Variants in MTMR10 observed in about 807,000 individuals in gnomAD.
MTMR10 encodes myotubularin-related protein 10.
A neutral mutation model predicts 88.1 loss-of-function variants in MTMR10; 56 were observed. That is an observed-to-expected ratio of 0.64 (90% CI 0.51 to 0.79). The LOEUF (loss-of-function observed/expected upper bound fraction) is 0.79. Ranked by LOEUF, MTMR10 falls within the 30% of genes least tolerant of loss-of-function variation. The probability of loss-of-function intolerance (pLI) is 0.00; values close to 1 mark genes in which losing one functional copy is unlikely to be tolerated. For synonymous variants in MTMR10, 380 were observed against 340.9 expected (o/e 1.11, Z -1.26); for missense variants, 883 against 924.7 (o/e 0.95, Z 0.58).
At chr15:30,920,158 C>T in the MTMR10 span, among the ~76,000 whole-genome samples, 4 of 152,192 alleles carry the variant, frequency 2.6e-5, no homozygotes, top group Non-Finnish European at 5.9e-5. Flanking sequence ...CATTTGTGGA[C>T]ATTGAAATTT....
rs963103170 is a variant in MTMR10 at position 30,959,091 on chromosome 15, A to G, written c.789T>C (p.Ser263=). ...CLPEYIVVPS[S]LADQDLKIFS... ...AGATCTTTAGATCTTGGTCTGCTAA[A>G]GAACTTGGCACTACAATGTATTCTG... The change falls in exon 8 of 16, where the codon TCT becomes TCC. Residue 263 remains serine, a synonymous_variant. Coordinates refer to ENST00000435680, the MANE Select transcript of MTMR10 (RefSeq NM_017762.3). 1.2e-6 allele frequency: 2 copies of G among 1,607,412 alleles called. No homozygotes were observed. The highest frequency in any genetic ancestry group is 2.7e-5 in the African/African-American group (2 of 74,770).
chr15:30,981,191 G>T (rs2030546220), intron 2 of MTMR10, among the ~76,000 whole-genome samples: 1 of 152,218 alleles, frequency 6.6e-6, no homozygotes, highest in African/African-American at 2.4e-5. Context: ...AATTACTGTG[G>T]TAGTTTTAAG....
Position 30,939,570 on chromosome 15 carries a change from T to G in MTMR10, c.*1900A>C. ...TTTACATTTGATTATCATACAAAAA[T>G]ATGCATTTTTCTATTTTTAACCATT... On this transcript the variant is annotated 3_prime_UTR_variant, in exon 16 of 16. Transcript: ENST00000435680. The G allele has an allele frequency of 1.0e-6, 1 of 961,538 alleles. No homozygotes were observed. The highest frequency in any genetic ancestry group is 1.2e-6 in the Non-Finnish European group (1 of 808,230). 59.6% of individuals were successfully genotyped at this position (961,538 alleles called of 1,614,324 possible).
chr15:30,947,089 A>G (rs2063181523), intron 14 of MTMR10, 41 bp downstream of exon 14: 1 of 1,546,382 alleles, frequency 6.5e-7, no homozygotes, highest in South Asian at 1.2e-5. Context: ...ATAAAGTTGT[A>G]AAAACAGGGA....
At chr15:30,935,974 G>C (rs1379105523), downstream of MTMR10, among the ~76,000 whole-genome samples, 1 of 151,666 alleles carries the variant, frequency 6.6e-6, no homozygotes, top group African/African-American at 2.4e-5. Flanking sequence ...TGGGTTTACT[G>C]TTTTCATCAA....
chr15:30,936,402 CAAG>C (rs71106653), downstream of MTMR10, among the ~76,000 whole-genome samples: 24,911 of 151,920 alleles, frequency 0.16, 2,855 homozygotes, highest in African/African-American at 0.33. Flanking sequence ...CTGGTCATGG[CAAG>C]AAGGTTAGAT....
At chr15:30,929,316 G>T in the MTMR10 span, 2 of 1,612,484 alleles carry the variant, frequency 1.2e-6, no homozygotes, top group Non-Finnish European at 1.7e-6. Context: ...GGGCCTGGGT[G>T]GCAGCCACGT....
rs2062997979 is a variant in MTMR10 at position 30,940,311 on chromosome 15, CTG to C, written c.*1157_*1158del. On this transcript the variant is annotated 3_prime_UTR_variant, in exon 16 of 16. Coordinates refer to ENST00000435680, the MANE Select transcript of MTMR10 (RefSeq NM_017762.3). ...AGAGAGATTCAGATCAAGCAAACAA[CTG>C]TGTCTGCTCATTCTCCTCAACTTTG... The C allele has an allele frequency of 6.1e-6, 6 of 985,378 alleles. No homozygotes were observed. The highest frequency in any genetic ancestry group is 7.2e-6 in the Non-Finnish European group (6 of 829,892). The allele number at this position is 985,378 out of a possible 1,614,324, so 61.0% of individuals were successfully genotyped here.
chr15:30,952,780 C>T (rs2063267975), intron 11 of MTMR10, among the ~76,000 whole-genome samples: 2 of 152,030 alleles, frequency 1.3e-5, no homozygotes, highest in Admixed American at 6.6e-5. Flanking sequence ...CTACCACAAC[C>T]GGCCCCACTT....
intron 14 of MTMR10, chr15:30,946,915 A>T: frequency 1.6e-6 from 1 of 630,570 alleles, no homozygotes; most frequent in Non-Finnish European, 2.7e-6. Flanking sequence ...ACTACAAAAC[A>T]TTTACATTAG....
chr15:30,931,897 T>C, the MTMR10 span, among the ~76,000 whole-genome samples: 1 of 150,572 alleles, frequency 6.6e-6, no homozygotes, highest in Non-Finnish European at 1.5e-5. Flanking sequence ...ATTTGAATTA[T>C]AACATCAAAT....
downstream of MTMR10, among the ~76,000 whole-genome samples, chr15:30,938,230 G>T (rs901576508): frequency 4.6e-5 from 7 of 152,100 alleles, no homozygotes; most frequent in African/African-American, 9.6e-5. Context: ...TTTCCTTCAA[G>T]TAATTAATTA....
At chr15:30,920,660 G>T in the MTMR10 span, 1 of 1,532,592 alleles carries the variant, frequency 6.5e-7, no homozygotes, top group Non-Finnish European at 9.0e-7. Context: ...TGAGGTTAGA[G>T]CACAGGTCCC....
chr15:30,922,912 G>A, the MTMR10 span, among the ~76,000 whole-genome samples: 1 of 152,378 alleles, frequency 6.6e-6, no homozygotes, highest in African/African-American at 2.4e-5. Context: ...GCACTTGGAA[G>A]CACAGGGATT....
intron 6 of MTMR10, among the ~76,000 whole-genome samples, chr15:30,961,804 T>G (rs1206823369): frequency 6.6e-6 from 1 of 152,246 alleles, no homozygotes; most frequent in Non-Finnish European, 1.5e-5. Flanking sequence ...TTATTTTCTC[T>G]TTAATTTTCA....
At chr15:30,920,033 C>A in the MTMR10 span, among the ~76,000 whole-genome samples, 20 of 152,310 alleles carry the variant, frequency 1.3e-4, no homozygotes, top group African/African-American at 4.3e-4. Flanking sequence ...ATATTTTAGG[C>A]TTTGCAGGCC....
the MTMR10 span, among the ~76,000 whole-genome samples, chr15:30,932,550 G>A: frequency 1.3e-5 from 2 of 151,958 alleles, no homozygotes; most frequent in African/African-American, 4.8e-5. Context: ...TGGAGATTTT[G>A]GGGGGAGGAA....
chr15:30,980,778 G>C (rs1279922927), intron 2 of MTMR10, among the ~76,000 whole-genome samples: 1 of 152,082 alleles, frequency 6.6e-6, no homozygotes, highest in Non-Finnish European at 1.5e-5. Flanking sequence ...ATTTCCAAAG[G>C]ATACAAGAGC....
chr15:30,977,518 G>T (rs1304653138), intron 2 of MTMR10, among the ~76,000 whole-genome samples: 1 of 152,146 alleles, frequency 6.6e-6, no homozygotes, highest in African/African-American at 2.4e-5. Context: ...AAGATTAAAA[G>T]AAATAAATAT....
Sources: gnomAD v4.1 joint callset for allele counts (sites outside exome capture counted in the v4.1 genomes callset) on GRCh38, gnomAD v4.1.1 for gene constraint, MANE v1.5 for transcripts, NCBI Gene and HGNC (gene_info 2026-07-23, HGNC 2026-07-21) for gene names.